Variants in NUMB observed in about 807,000 individuals in gnomAD.
NUMB encodes protein numb homolog.
In NUMB, 29 loss-of-function variants were observed where a neutral mutation model predicts 59.7. That is an observed-to-expected ratio of 0.49 (90% confidence interval 0.36 to 0.66). The LOEUF (loss-of-function observed/expected upper bound fraction) is 0.66. NUMB is among the 30% of genes least tolerant of loss of function. The probability of loss-of-function intolerance (pLI) is 0.00; values close to 1 mark genes in which losing one functional copy is unlikely to be tolerated. For missense variants in NUMB, 723 were observed against 822.0 expected (o/e 0.88, Z 1.47); for synonymous variants, 288 against 288.2 (o/e 1.00, Z 0.01).
Position 73,445,386 on chromosome 14 carries a change from A to C in NUMB, c.-233+13107T>G, listed in dbSNP as rs1051713111. Among the ~76,000 whole-genome samples the C allele has an allele frequency of 2.2e-4, 33 of 147,254 alleles. No homozygotes were observed. The South Asian group carries it at 6.4e-3, about 29-fold the overall frequency. ...AAAAAAAAAAAAAAAAAAAAAAAAAAAAAAAAAAAACTTACAGCTGATTTA... is the reference window on the plus strand; with the variant it reads ...AAAAAAAAAAAAAAAAAAAAAAAAACAAAAAAAAAACTTACAGCTGATTTA... On this transcript the variant is annotated intron_variant, in intron 1 of 12. Transcript: ENST00000555238.
intron 3 of NUMB, among the ~76,000 whole-genome samples, chr14:73,360,848 T>C (rs900267223): frequency 1.3e-5 from 2 of 152,166 alleles, no homozygotes; most frequent in Non-Finnish European, 2.9e-5. Context: ...CAATTTATTT[T>C]ATTTTATTTT....
chr14:73,347,300 ATATATT>A (rs1892966735), intron 4 of NUMB, among the ~76,000 whole-genome samples: 2 of 152,206 alleles, frequency 1.3e-5, no homozygotes, highest in Admixed American at 6.5e-5. Flanking sequence ...CTTTACTGAA[ATATATT>A]TATATAAGAA....
At chr14:73,299,224 A>G (rs1230275540) in intron 6 of NUMB, 2 of 152,170 alleles carry the variant, frequency 1.3e-5, no homozygotes, top group African/African-American at 4.8e-5. Context: ...TGGGAGATAG[A>G]GTAGGAAAGG....
At chr14:73,352,913 CA>C (rs1179219071) in intron 4 of NUMB, among the ~76,000 whole-genome samples, 1 of 151,166 alleles carries the variant, frequency 6.6e-6, no homozygotes, top group African/African-American at 2.4e-5. Context: ...GTAAAATCCA[CA>C]AGAACAGAAA....
intron 4 of NUMB, 95 bp downstream of exon 4, chr14:73,355,531 A>C: frequency 9.0e-7 from 1 of 1,105,516 alleles, no homozygotes; most frequent in Non-Finnish European, 1.2e-6. Context: ...TGTTTTTTGG[A>C]AGACTCTCTT....
chr14:73,316,268 C>T (rs1390937502), intron 6 of NUMB, 122 bp downstream of exon 6: 1 of 779,980 alleles, frequency 1.3e-6, no homozygotes, highest in Non-Finnish European at 2.2e-6. Flanking sequence ...TTTCCATATA[C>T]AATCAAACCA....
intron 4 of NUMB, among the ~76,000 whole-genome samples, chr14:73,345,633 G>C (rs188061914): frequency 6.6e-6 from 1 of 151,998 alleles, no homozygotes; most frequent in African/African-American, 2.4e-5. Flanking sequence ...ACATTTGGCC[G>C]GGCACAGTGG....
chr14:73,406,163 T>C lies in NUMB; in HGVS notation c.-101+3774A>G, dbSNP rs565761465. On this transcript the variant is annotated intron_variant, in intron 2 of 12. Transcript: ENST00000555238. Reference sequence around the variant, plus strand: ...ACAACGTGCAGGTTTGTTACATATGTATACATGTGCCACGTTGGTGTGCTG... The same window carrying C: ...ACAACGTGCAGGTTTGTTACATATGCATACATGTGCCACGTTGGTGTGCTG... Among the ~76,000 whole-genome samples, 3 of 152,092 alleles carry C rather than the reference T, an allele frequency of 2.0e-5. No individual in the cohort carries two copies. In the South Asian group the frequency reaches 6.2e-4, roughly 32 times the overall value.
chr14:73,322,841 T>C (rs1035651918), intron 5 of NUMB: 1 of 167,286 alleles, frequency 6.0e-6, no homozygotes, highest in African/African-American at 2.4e-5. Context: ...TAATTATTAT[T>C]TTATTATTTA....
chr14:73,278,060 A>AC (rs1309018327), intron 12 of NUMB, among the ~76,000 whole-genome samples: 17 of 150,942 alleles, frequency 1.1e-4, no homozygotes, highest in African/African-American at 4.2e-4. Flanking sequence ...AAAAAAAAAA[A>AC]AAAAAAAACA....
At chr14:73,446,124 G>A (rs543007597) in intron 1 of NUMB, among the ~76,000 whole-genome samples, 2 of 149,372 alleles carry the variant, frequency 1.3e-5, no homozygotes, top group Admixed American at 1.3e-4. Context: ...AGCCTCCCGA[G>A]TAGCTGGGAC....
At chr14:73,278,136 AAAT>A (rs1173593821) in intron 12 of NUMB, among the ~76,000 whole-genome samples, 7 of 152,132 alleles carry the variant, frequency 4.6e-5, no homozygotes, top group African/African-American at 1.7e-4. Context: ...AGCAAAAAGA[AAAT>A]AACCAGTGAC....
At chr14:73,351,306 T>A (rs1302915749) in intron 4 of NUMB, among the ~76,000 whole-genome samples, 1 of 151,964 alleles carries the variant, frequency 6.6e-6, no homozygotes, top group Non-Finnish European at 1.5e-5. Context: ...ACCCTGTCTC[T>A]ACTAAAAATA....
At chr14:73,411,583 C>T (rs1040105924) in intron 1 of NUMB, among the ~76,000 whole-genome samples, 4 of 152,124 alleles carry the variant, frequency 2.6e-5, no homozygotes, top group Admixed American at 2.0e-4. Context: ...TCTTCACTAG[C>T]TTCTAAGCAG....
Position 73,371,623 on chromosome 14 carries a change from A to T in NUMB, c.-100-4642T>A, listed in dbSNP as rs200813172. 7.9e-5 allele frequency among the ~76,000 whole-genome samples: 12 copies of T among 152,250 alleles called. No homozygotes were observed. The East Asian group carries it at 1.7e-3, about 22-fold the overall frequency. ...AATTGTTACAGGGTGTTATGACTTG[A>T]ATAGGTCCCCCCCAAAATTCAAGTG... On this transcript the variant is annotated intron_variant, in intron 2 of 12. Coordinates refer to ENST00000555238, the MANE Select transcript of NUMB (RefSeq NM_001005743.2).
chr14:73,363,280 A>G (rs1267923834), intron 3 of NUMB, among the ~76,000 whole-genome samples: 2 of 152,098 alleles, frequency 1.3e-5, no homozygotes, highest in African/African-American at 4.8e-5. Flanking sequence ...TGGACAACAG[A>G]GACCTTGTCT....
At chr14:73,347,063 G>A (rs1892956779) in intron 4 of NUMB, among the ~76,000 whole-genome samples, 2 of 152,098 alleles carry the variant, frequency 1.3e-5, no homozygotes, top group Non-Finnish European at 2.9e-5. Flanking sequence ...GCAGTGGCGT[G>A]ATCACTGCAG....
chr14:73,313,668 G>GAAAAAAAAAAAAAAAA lies in NUMB; in HGVS notation c.234+2706_234+2721dup, dbSNP rs10582204. Among the ~76,000 whole-genome samples the GAAAAAAAAAAAAAAAA allele has an allele frequency of 9.6e-4, 119 of 124,054 alleles. 3 individuals are homozygous for GAAAAAAAAAAAAAAAA. In the South Asian group the frequency reaches 0.01, roughly 11 times the overall value. The allele number at this position is 124,054 out of a possible 152,430, so 81.4% of individuals were successfully genotyped here. A position where few individuals can be genotyped will look rare whatever the true frequency, so the allele number is the denominator to read the frequency against. On this transcript the variant is annotated intron_variant, in intron 6 of 12. Transcript: ENST00000555238. ...TATATATGCAAATATTCCAAAATCT[G>GAAAAAAAAAAAAAAAA]AAAAAAAAAAAAAAAAATCCAAAAT... is the stretch of plus-strand genomic sequence containing the variant.
intron 2 of NUMB, among the ~76,000 whole-genome samples, chr14:73,382,647 T>C (rs574854761): frequency 2.0e-5 from 3 of 152,186 alleles, no homozygotes; most frequent in African/African-American, 4.8e-5. Flanking sequence ...CTCAAGTCCA[T>C]ATTACAACAA....
Sources: gnomAD v4.1 joint callset for allele counts (sites outside exome capture counted in the v4.1 genomes callset) on GRCh38, gnomAD v4.1.1 for gene constraint, MANE v1.5 for transcripts, NCBI Gene and HGNC (gene_info 2026-07-23, HGNC 2026-07-21) for gene names.